Variants in ZNF451 observed in about 807,000 individuals in gnomAD.
ZNF451 encodes zinc finger protein 451, also known as E3 SUMO-protein ligase ZNF451.
ZNF451 carries 80 observed loss-of-function variants against 107.1 expected under a neutral mutation model. The observed-to-expected ratio is 0.75, with a 90% CI of 0.62 to 0.90. ZNF451 has a LOEUF of 0.90. Ranked by LOEUF, ZNF451 falls within the 40% of genes least tolerant of loss-of-function variation. The pLI is 0.00. For missense variants in ZNF451, 1,107 were observed against 1,236.2 expected, an observed-to-expected ratio of 0.90 and a Z score of 1.57; for synonymous variants, 362 against 406.5, an observed-to-expected ratio of 0.89 and a Z score of 1.32.
chr6:57,107,929 C>T (rs1412699341), intron 3 of ZNF451: 12 of 631,730 alleles, frequency 1.9e-5, no homozygotes, highest in Non-Finnish European at 1.6e-5. Context: ...AGCTCTGCCT[C>T]CCGGGTTCAC....
chr6:57,104,455 G>A, intron 3 of ZNF451: 4 of 985,288 alleles, frequency 4.1e-6, no homozygotes, highest in Non-Finnish European at 4.8e-6. Context: ...TAGATGCTAT[G>A]TCATAAACTT....
At chr6:57,104,264 A>G (rs1829742724) in intron 3 of ZNF451, 4 of 985,362 alleles carry the variant, frequency 4.1e-6, no homozygotes, top group Non-Finnish European at 3.6e-6. Flanking sequence ...TGCACCAATC[A>G]AGCAATCCCA....
At chr6:57,149,727 T>TAG (rs1832257032) in intron 10 of ZNF451, among the ~76,000 whole-genome samples, 1 of 152,206 alleles carries the variant, frequency 6.6e-6, no homozygotes, top group South Asian at 2.1e-4. Context: ...ATGGCATGTT[T>TAG]TCAGTGGTAA....
intron 2 of ZNF451, among the ~76,000 whole-genome samples, chr6:57,096,187 T>TG (rs1829302239): frequency 7.4e-6 from 1 of 135,210 alleles, no homozygotes; most frequent in Non-Finnish European, 1.6e-5. Context: ...TTTTTTTTTT[T>TG]TTTTTTTTTT....
chr6:57,109,560 G>A, intron 3 of ZNF451: 1 of 984,198 alleles, frequency 1.0e-6, no homozygotes, highest in Non-Finnish European at 1.2e-6. Context: ...GGTATTCTAT[G>A]GTATTGGCTA....
chr6:57,123,513 A>G (rs188916586), intron 3 of ZNF451, among the ~76,000 whole-genome samples: 199 of 151,948 alleles, frequency 1.3e-3, no homozygotes, highest in African/African-American at 4.6e-3. Flanking sequence ...CTCCAAAAGG[A>G]GAGAGAGAGA....
rs773827639 is a variant in ZNF451 at position 57,133,220 on chromosome 6, G to T, written c.575+28G>T. On this transcript the variant is annotated intron_variant, in intron 6 of 14. Coordinates refer to ENST00000370706, the MANE Select transcript of ZNF451 (RefSeq NM_001031623.3). ...AAGTAGGATATTCATAATAGTGAATGCTGAAGATCTAGTGAGCTACCAAGT... is the reference window on the plus strand; with the variant it reads ...AAGTAGGATATTCATAATAGTGAATTCTGAAGATCTAGTGAGCTACCAAGT... 1.2e-5 allele frequency: 19 copies of T among 1,596,264 alleles called. No homozygotes were observed. The Middle Eastern group carries it at 5.0e-4, about 42-fold the overall frequency.
intron 3 of ZNF451, chr6:57,114,817 A>T (rs146377174): frequency 6.6e-6 from 1 of 152,322 alleles, no homozygotes; most frequent in Non-Finnish European, 1.5e-5. Context: ...TAACAATTTT[A>T]TTACATATGC....
chr6:57,102,922 C>T, intron 3 of ZNF451: 2 of 985,406 alleles, frequency 2.0e-6, no homozygotes, highest in Non-Finnish European at 2.4e-6. Context: ...TAGTCTTTGA[C>T]CTATCAAGCT....
chr6:57,118,718 A>G (rs748528338), intron 3 of ZNF451, among the ~76,000 whole-genome samples: 1 of 152,184 alleles, frequency 6.6e-6, no homozygotes, highest in Non-Finnish European at 1.5e-5. Context: ...TCCTGGGCTC[A>G]AGTGAACCTC....
chr6:57,112,341 C>T (rs1473975698), intron 3 of ZNF451, among the ~76,000 whole-genome samples: 3 of 152,112 alleles, frequency 2.0e-5, no homozygotes, highest in African/African-American at 2.4e-5. Flanking sequence ...AGTCAGATAC[C>T]GTGATGATGT....
chr6:57,136,154 G>C (rs1027580626), intron 7 of ZNF451, among the ~76,000 whole-genome samples: 3 of 152,178 alleles, frequency 2.0e-5, no homozygotes, highest in African/African-American at 7.2e-5. Context: ...ACTAGGCACT[G>C]TAGTAGGGTA....
At chr6:57,105,835 A>G in intron 3 of ZNF451, 1 of 985,326 alleles carries the variant, frequency 1.0e-6, no homozygotes, top group Non-Finnish European at 1.2e-6. Flanking sequence ...TGACACTTTT[A>G]TCTTTTTTTA....
At chr6:57,113,792 T>G (rs929363156) in intron 3 of ZNF451, among the ~76,000 whole-genome samples, 4 of 152,020 alleles carry the variant, frequency 2.6e-5, no homozygotes, top group Non-Finnish European at 5.9e-5. Context: ...CGGCTGATTT[T>G]TTGTATTTTT....
At chr6:57,121,989 A>AGTAACCAAAC (rs1830660142) in intron 3 of ZNF451, among the ~76,000 whole-genome samples, 2 of 152,210 alleles carry the variant, frequency 1.3e-5, no homozygotes, top group Non-Finnish European at 2.9e-5. Flanking sequence ...CTACAAGGCT[A>AGTAACCAAAC]CAGTAACCAA....
intron 3 of ZNF451, chr6:57,105,662 G>A (rs972319259): frequency 1.0e-6 from 1 of 985,216 alleles, no homozygotes; most frequent in Non-Finnish European, 1.2e-6. Flanking sequence ...TAATTTTGGG[G>A]GGCCTTAAGG....
intron 3 of ZNF451, chr6:57,124,333 T>C (rs1562605824): frequency 1.4e-6 from 1 of 692,682 alleles, no homozygotes; most frequent in Non-Finnish European, 2.6e-6. Context: ...TAAGCATCCA[T>C]TAGAGTTTAG....
At chr6:57,167,885 A>G (rs566580237) in intron 14 of ZNF451, among the ~76,000 whole-genome samples, 81 of 152,356 alleles carry the variant, frequency 5.3e-4, no homozygotes, top group African/African-American at 1.9e-3. Flanking sequence ...ATCTGCATAC[A>G]GCATATATTA....
At position 57,109,427 on chromosome 6, in the gene ZNF451, T is replaced by A. The variant is rs550026373; in HGVS notation, c.186+10286T>A. 4.1e-6 allele frequency: 4 copies of A among 985,470 alleles called. No individual in the cohort carries two copies. In the South Asian group the frequency reaches 1.9e-4, roughly 46 times the overall value. 61.0% of individuals were successfully genotyped at this position (985,470 alleles called of 1,614,324 possible). On this transcript the variant is annotated intron_variant, in intron 3 of 14. Transcript: ENST00000370706. ...CTCAGCATTAGCAAGTCACTTGTTT[T>A]CTGAGCCTCAGTTTTCTTACTCTCA... is the stretch of plus-strand genomic sequence containing the variant.
Sources: allele counts gnomAD v4.1 joint callset (sites outside exome capture counted in the v4.1 genomes callset), GRCh38; gene constraint gnomAD v4.1.1; transcripts MANE v1.5; gene names NCBI Gene and HGNC (gene_info 2026-07-23, HGNC 2026-07-21).